The following DAPK2 variants were observed in gnomAD, a reference collection of about 807,000 sequenced individuals.
DAPK2 encodes death associated protein kinase 2.
DAPK2 carries 35 observed loss-of-function variants against 44.1 expected under a neutral mutation model. That is an observed-to-expected ratio of 0.79 (90% CI 0.61 to 1.05). The LOEUF (loss-of-function observed/expected upper bound fraction) is 1.05, where lower values mean the gene tolerates loss of function less well. Among genes scored for constraint, DAPK2 ranks in the 50% least tolerant of loss-of-function variants. DAPK2 has a pLI of 0.00. For synonymous variants in DAPK2, 174 were observed against 182.6 expected (o/e 0.95, Z 0.38); for missense variants, 453 against 483.2 (o/e 0.94, Z 0.59).
intron 3 of DAPK2, chr15:63,942,291 A>G (rs1468301726): frequency 2.0e-6 from 2 of 982,962 alleles, no homozygotes; most frequent in East Asian, 1.1e-4. Flanking sequence ...TGGCTCACAC[A>G]TGTAATCCTA....
upstream of DAPK2, chr15:64,046,348 C>T: frequency 1.1e-4 from 1 of 9,510 alleles, no homozygotes; most frequent in Non-Finnish European, 2.5e-4. This position sits in a 1 kb window ranked among gnomAD's most constrained non-coding sequence, Gnocchi z 5.3. Flanking sequence ...GCGGCGGGAG[C>T]GGCGGGCGCG....
chr15:63,939,346 A>G lies in DAPK2; in HGVS notation c.469T>C (p.Leu157=). 1 of 1,610,072 alleles carries G rather than the reference A, an allele frequency of 6.2e-7. No homozygotes were observed. The highest frequency in any genetic ancestry group is 8.5e-7 in the Non-Finnish European group (1 of 1,178,498). The stretch of plus-strand genomic sequence containing the variant: ...GGAATGGGAATATTCTTGTCTAACA[A>G]CATAATGTTTTCTGGCTGGACAACA... Residue 157 remains leucine, a synonymous_variant, in exon 4 of 11, where the codon TTG becomes CTG. Coordinates refer to ENST00000261891, the Ensembl canonical transcript of DAPK2. This position sits in a 1 kb window ranked among gnomAD's most constrained non-coding sequence, Gnocchi z 4.3.
intron 1 of DAPK2, among the ~76,000 whole-genome samples, chr15:63,985,625 T>C (rs755445121): frequency 5.9e-5 from 9 of 152,190 alleles, no homozygotes; most frequent in Non-Finnish European, 1.2e-4. Flanking sequence ...TGGTAAGGGA[T>C]ACACTTAGGT....
chr15:64,044,893 A>G (rs1350198725), upstream of DAPK2, among the ~76,000 whole-genome samples: 1 of 152,292 alleles, frequency 6.6e-6, no homozygotes, highest in Admixed American at 6.5e-5. Context: ...CCCATTAGGA[A>G]TCATCACACT....
intron 1 of DAPK2, among the ~76,000 whole-genome samples, chr15:64,010,733 T>G (rs1178763996): frequency 1.3e-5 from 2 of 152,142 alleles, no homozygotes; most frequent in Non-Finnish European, 1.5e-5. Context: ...CCAGCTTGGG[T>G]TTTATCCCAT....
rs1382394189 is a variant in DAPK2 at position 64,036,326 on chromosome 15, T to TATATATAC, written c.92+3843_92+3844insGTATATAT. Among the ~76,000 whole-genome samples the TATATATAC allele has an allele frequency of 3.5e-4, 38 of 109,704 alleles. 4 individuals carry two copies. The highest frequency in any genetic ancestry group is 5.5e-4 in the Non-Finnish European group (28 of 51,228). 72.0% of individuals were successfully genotyped at this position (109,704 alleles called of 152,430 possible). ...GTGTGTGTGTATATATATGTATATATATATATATATACATATATATATATA... is the reference window on the plus strand; with the variant it reads ...GTGTGTGTGTATATATATGTATATATATATATACATATATATATACATATATATATATA... On this transcript the variant is annotated intron_variant, in intron 1 of 10. Transcript: ENST00000261891.
chr15:63,944,899 C>T (rs1019291781), intron 3 of DAPK2, among the ~76,000 whole-genome samples: 2 of 152,194 alleles, frequency 1.3e-5, no homozygotes, highest in African/African-American at 4.8e-5. Context: ...TCTATATCCC[C>T]GCAGGGTGGG....
chr15:64,036,269 A>C (rs1276655345), intron 1 of DAPK2, among the ~76,000 whole-genome samples: 1 of 74,844 alleles, frequency 1.3e-5, no homozygotes, highest in Non-Finnish European at 2.7e-5. Context: ...CAAAATATAT[A>C]TATATGTGTG....
At position 63,965,876 on chromosome 15, in the gene DAPK2, G is replaced by T. The variant is rs145807746; in HGVS notation, c.453+5547C>A. 7.6e-3 allele frequency among the ~76,000 whole-genome samples: 1,162 copies of T among 152,262 alleles called. 15 individuals carry two copies. Among genetic ancestry groups the T allele is most frequent in the African/African-American group, 0.026 (1,101 of 41,552 alleles). Reference sequence around the variant, plus strand: ...GTGGGCTCCCCTTTGGCCCAGGGTAGGTCCAGAAATGCTGTCTAAGAGCCA... The same window carrying T: ...GTGGGCTCCCCTTTGGCCCAGGGTATGTCCAGAAATGCTGTCTAAGAGCCA... On this transcript the variant is annotated intron_variant, in intron 3 of 10. Transcript: ENST00000261891.
At chr15:63,937,944 T>C (rs542346973) in intron 4 of DAPK2, among the ~76,000 whole-genome samples, 1 of 152,236 alleles carries the variant, frequency 6.6e-6, no homozygotes, top group Non-Finnish European at 1.5e-5. Flanking sequence ...GGGTGTGTCA[T>C]TCTGAGTATG....
chr15:63,930,048 T>C (rs780156675), intron 5 of DAPK2, among the ~76,000 whole-genome samples: 2 of 152,200 alleles, frequency 1.3e-5, no homozygotes, highest in Admixed American at 6.5e-5. Flanking sequence ...CCAGAACTCA[T>C]GGACTTTCAG....
chr15:63,928,934 G>C (rs916637450), intron 6 of DAPK2, among the ~76,000 whole-genome samples: 1 of 152,188 alleles, frequency 6.6e-6, no homozygotes, highest in Non-Finnish European at 1.5e-5. Flanking sequence ...TGGGCACAGT[G>C]GCTCATACCT....
At chr15:63,965,405 C>T (rs1048007247) in intron 3 of DAPK2, among the ~76,000 whole-genome samples, 1 of 152,244 alleles carries the variant, frequency 6.6e-6, no homozygotes, top group Non-Finnish European at 1.5e-5. Context: ...CTGGGTCAGA[C>T]CTGAAGCCAG....
At chr15:63,929,512 T>A (rs1428925353) in intron 6 of DAPK2, 39 bp downstream of exon 7, 1 of 1,613,584 alleles carries the variant, frequency 6.2e-7, no homozygotes, top group South Asian at 1.1e-5. Context: ...TTCCCCCAGA[T>A]CTAAGCTGAG....
chr15:63,942,145 G>T lies in DAPK2; in HGVS notation c.454-2784C>A, dbSNP rs1018610863. The T allele has an allele frequency of 3.3e-6, 3 of 896,988 alleles. No homozygotes were observed. The African/African-American group carries it at 5.4e-5, about 16-fold the overall frequency. 55.6% of individuals were successfully genotyped at this position (896,988 alleles called of 1,614,324 possible). A position where few individuals can be genotyped will look rare whatever the true frequency, so the allele number is the denominator to read the frequency against. On this transcript the variant is annotated intron_variant, in intron 3 of 10. Transcript: ENST00000261891. Reference sequence around the variant, plus strand: ...AGGACTATGGAGCAGTAGGGATGAGGTGGTGGAGGGGAAGAATTGAGGCTG... The same window carrying T: ...AGGACTATGGAGCAGTAGGGATGAGTTGGTGGAGGGGAAGAATTGAGGCTG...
intron 1 of DAPK2, among the ~76,000 whole-genome samples, chr15:63,994,408 GAAAAGGAAGGAAGGAAGGAAGGAAGGAA>G: frequency 7.8e-6 from 1 of 128,814 alleles, no homozygotes; most frequent in African/African-American, 2.9e-5. Context: ...AATGTTAAAA[GAAAAGGAAGGAAGGAAGGAAGGAAGGAA>G]GGAAGGAAGG....
At chr15:63,983,371 G>A (rs956150455) in intron 2 of DAPK2, among the ~76,000 whole-genome samples, 162 bp downstream of exon 3, 1 of 152,166 alleles carries the variant, frequency 6.6e-6, no homozygotes, top group African/African-American at 2.4e-5. Context: ...GGAGGAAGGG[G>A]GTAACTGAGA....
intron 1 of DAPK2, among the ~76,000 whole-genome samples, chr15:64,033,627 C>T (rs1263588500): frequency 1.3e-5 from 2 of 151,958 alleles, no homozygotes; most frequent in Non-Finnish European, 2.9e-5. Flanking sequence ...AAATGACCAT[C>T]GCTGGGCACA....
chr15:63,993,819 T>TA (rs1290072184), intron 1 of DAPK2, among the ~76,000 whole-genome samples: 1 of 152,110 alleles, frequency 6.6e-6, no homozygotes, highest in Non-Finnish European at 1.5e-5. Context: ...CAATCCCTGT[T>TA]AGAGTCTCTG....
Sources: gnomAD v4.1 joint callset for allele counts (sites outside exome capture counted in the v4.1 genomes callset) on GRCh38, gnomAD v4.1.1 for gene constraint, Gnocchi (gnomAD v3.1) non-coding constraint, MANE v1.5 for transcripts, NCBI Gene and HGNC (gene_info 2026-07-23, HGNC 2026-07-21) for gene names.